Variants in SLC1A2 observed in about 807,000 individuals in gnomAD.
SLC1A2 encodes solute carrier family 1 member 2, also known as excitatory amino acid transporter 2.
Under a neutral mutation model 48.8 loss-of-function variants are expected in SLC1A2, and 15 were observed. That is an observed-to-expected ratio of 0.31 (90% CI 0.21 to 0.47). SLC1A2 has a LOEUF of 0.47. Ranked by LOEUF, SLC1A2 falls within the 20% of genes least tolerant of loss-of-function variation. SLC1A2 has a pLI of 0.99. For missense variants in SLC1A2, 502 were observed against 730.5 expected (o/e 0.69, Z 3.61); for synonymous variants, 279 against 272.6 (o/e 1.02, Z -0.23).
chr11:35,273,000 C>A (rs1175842788), intron 9 of SLC1A2, among the ~76,000 whole-genome samples: 2 of 152,210 alleles, frequency 1.3e-5, no homozygotes, highest in Non-Finnish European at 2.9e-5. Context: ...TCGTCTGGAA[C>A]TCCTGGTTCA....
intron 1 of SLC1A2, among the ~76,000 whole-genome samples, chr11:35,341,060 C>A (rs941350398): frequency 6.6e-6 from 1 of 152,138 alleles, no homozygotes; most frequent in African/African-American, 2.4e-5. Flanking sequence ...TGGTTGACAG[C>A]GGGGAAGGGA....
chr11:35,394,119 AC>A (rs1179965020), intron 1 of SLC1A2, among the ~76,000 whole-genome samples: 1 of 150,814 alleles, frequency 6.6e-6, no homozygotes, highest in Non-Finnish European at 1.5e-5. Context: ...CCCAGCCCCA[AC>A]CCTAGGGTCT....
At position 35,382,629 on chromosome 11, in the gene SLC1A2, C is replaced by G. The variant is rs193006046; in HGVS notation, c.17+36321G>C. 5.2e-3 allele frequency among the ~76,000 whole-genome samples: 787 copies of G among 152,302 alleles called. 3 individuals are homozygous for G. Among genetic ancestry groups the G allele is most frequent in the African/African-American group, 0.016 (674 of 41,556 alleles). On this transcript the variant is annotated intron_variant, in intron 1 of 10. Coordinates refer to ENST00000278379, the MANE Select transcript of SLC1A2 (RefSeq NM_004171.4). ...TGGCCAACATGGTGAAACCCTGTCT[C>G]TACTAAAAATACAAAAATTAGCTGG...
At chr11:35,413,045 C>G (rs988107956) in intron 1 of SLC1A2, among the ~76,000 whole-genome samples, 2 of 152,134 alleles carry the variant, frequency 1.3e-5, no homozygotes, top group East Asian at 3.8e-4. Flanking sequence ...TTGAATAATT[C>G]TTCAAATCCA....
intron 1 of SLC1A2, among the ~76,000 whole-genome samples, chr11:35,382,644 A>C (rs1362779452): frequency 1.3e-5 from 2 of 152,166 alleles, no homozygotes; most frequent in African/African-American, 4.8e-5. Context: ...AAAAATACAA[A>C]AATTAGCTGG....
chr11:35,400,706 TCTAA>T, intron 1 of SLC1A2, among the ~76,000 whole-genome samples: 1 of 152,304 alleles, frequency 6.6e-6, no homozygotes, highest in African/African-American at 2.4e-5. Context: ...TTTTTTTAAG[TCTAA>T]CTACTTGATT....
chr11:35,334,156 C>T (rs1395141059), intron 1 of SLC1A2, among the ~76,000 whole-genome samples: 2 of 152,194 alleles, frequency 1.3e-5, no homozygotes, highest in African/African-American at 4.8e-5. Context: ...ACAGTCCCCA[C>T]CATCCCTTAT....
chr11:35,360,961 C>T lies in SLC1A2; in HGVS notation c.18-43445G>A, dbSNP rs191586474. The stretch of plus-strand genomic sequence containing the variant: ...TGCAATCTCGGCCCACTGCAACGTC[C>T]ACCTCCCGGGCTCAAGTGATTTTCC... On this transcript the variant is annotated intron_variant, in intron 1 of 10. Transcript: ENST00000278379. Among the ~76,000 whole-genome samples the T allele has an allele frequency of 7.9e-4, 120 of 152,124 alleles. 3 individuals carry two copies. In the East Asian group the frequency reaches 0.018, roughly 22 times the overall value.
At chr11:35,413,253 G>A (rs1855519766) in intron 1 of SLC1A2, among the ~76,000 whole-genome samples, 1 of 152,180 alleles carries the variant, frequency 6.6e-6, no homozygotes, top group Non-Finnish European at 1.5e-5. Context: ...CTGCCCTGCT[G>A]GACTAAGAGG....
At chr11:35,349,952 G>A (rs991438022) in intron 1 of SLC1A2, among the ~76,000 whole-genome samples, 1 of 152,168 alleles carries the variant, frequency 6.6e-6, no homozygotes, top group African/African-American at 2.4e-5. Context: ...CCGAGACAGA[G>A]AGACCTAGGT....
intron 4 of SLC1A2, among the ~76,000 whole-genome samples, chr11:35,311,293 G>T (rs1194125576): frequency 2.0e-5 from 3 of 152,088 alleles, no homozygotes; most frequent in Non-Finnish European, 4.4e-5. Context: ...CCGAGTAGCT[G>T]GGATTACAGG....
intron 1 of SLC1A2, among the ~76,000 whole-genome samples, chr11:35,389,261 T>G (rs1308681961): frequency 6.6e-6 from 1 of 152,150 alleles, no homozygotes; most frequent in Non-Finnish European, 1.5e-5. Flanking sequence ...AATGACTCAA[T>G]GCTTAAATCA....
In SLC1A2 at chr11:35,317,534, G is replaced by T; in HGVS notation, c.18-18C>A. ...TGTTGGCACTGGAACAGAAGTGAAG[G>T]CAGAGATTAGAGAGACTGGCACCTC... On this transcript the variant is annotated intron_variant, in intron 1 of 10. Transcript: ENST00000278379. 2 of 1,610,016 alleles carry T rather than the reference G, an allele frequency of 1.2e-6. No individual in the cohort carries two copies. The highest frequency in any genetic ancestry group is 1.7e-4 in the Middle Eastern group (1 of 6,058).
intron 9 of SLC1A2, among the ~76,000 whole-genome samples, chr11:35,279,343 G>C (rs1011819332): frequency 2.0e-5 from 3 of 152,240 alleles, no homozygotes; most frequent in Non-Finnish European, 4.4e-5. Context: ...TGAATGGGCA[G>C]TGAGTATTCT....
rs893537800 is a variant in SLC1A2 at position 35,360,127 on chromosome 11, T to C, written c.18-42611A>G. Reference sequence around the variant, plus strand: ...CTTCCATCACAGTCCTGCTATACTATAGAGGAAAAGCTGTCGGGGGCTTTA... The same window carrying C: ...CTTCCATCACAGTCCTGCTATACTACAGAGGAAAAGCTGTCGGGGGCTTTA... On this transcript the variant is annotated intron_variant, in intron 1 of 10. Transcript: ENST00000278379. 8.1e-6 allele frequency: 8 copies of C among 982,078 alleles called. No homozygotes were observed. The African/African-American group carries it at 1.2e-4, about 15-fold the overall frequency. 60.8% of individuals were successfully genotyped at this position (982,078 alleles called of 1,614,324 possible).
intron 9 of SLC1A2, among the ~76,000 whole-genome samples, chr11:35,271,705 T>C (rs12290877): frequency 0.014 from 2,078 of 152,152 alleles, 34 homozygotes; most frequent in East Asian, 0.081. Flanking sequence ...TAGCCGGGTG[T>C]GGTGTCGTGC....
At chr11:35,265,456 T>TG (rs755246344) in intron 10 of SLC1A2, 71 bp downstream of exon 10, 58 of 824,828 alleles carry the variant, frequency 7.0e-5, no homozygotes, top group Non-Finnish European at 9.2e-5. Flanking sequence ...CTTTACGGTT[T>TG]TTTTTTTTTT....
chr11:35,339,397 C>G (rs1476145129), intron 1 of SLC1A2, among the ~76,000 whole-genome samples: 2 of 152,164 alleles, frequency 1.3e-5, no homozygotes, highest in East Asian at 3.9e-4. Flanking sequence ...TTCTTATACT[C>G]TGCTTTGAAG....
rs144319313 is a variant in SLC1A2 at position 35,286,578 on chromosome 11, G to T, written c.1286+179C>A. ...CAATACAAACAGGAGGTATTAATAA[G>T]AGTCTTCTTTCTTGTCACAATCTTT... On this transcript the variant is annotated intron_variant, in intron 8 of 10. Transcript: ENST00000278379. 5.9e-3 allele frequency: 2,897 copies of T among 489,420 alleles called. 42 individuals are homozygous for T. Among genetic ancestry groups the T allele is most frequent in the South Asian group, 0.032 (709 of 22,236 alleles). 30.3% of individuals were successfully genotyped at this position (489,420 alleles called of 1,614,324 possible).
Sources: allele counts gnomAD v4.1 joint callset (sites outside exome capture counted in the v4.1 genomes callset), GRCh38; gene constraint gnomAD v4.1.1; transcripts MANE v1.5; gene names NCBI Gene and HGNC (gene_info 2026-07-23, HGNC 2026-07-21).